SNX29: variants seen among roughly 807,000 people sequenced by gnomAD.
SNX29 encodes the protein sorting nexin-29.
Under a neutral mutation model 102.1 loss-of-function variants are expected in SNX29, and 78 were observed. The ratio of observed to expected loss-of-function variants is 0.76; its 90% confidence interval spans 0.64 to 0.92. The LOEUF (loss-of-function observed/expected upper bound fraction) is 0.92. Ranked by LOEUF, SNX29 falls within the 40% of genes least tolerant of loss-of-function variation. The pLI, the probability that SNX29 is intolerant of heterozygous loss-of-function variation, is 0.00. For synonymous variants in SNX29, 580 were observed against 414.5 expected, an observed-to-expected ratio of 1.40 and a Z score of -4.85; for missense variants, 1,280 against 1,061.7, an observed-to-expected ratio of 1.21 and a Z score of -2.86.
At chr16:12,058,050 C>T (rs2050592141) in intron 8 of SNX29, among the ~76,000 whole-genome samples, 1 of 151,976 alleles carries the variant, frequency 6.6e-6, no homozygotes, top group African/African-American at 2.4e-5. Context: ...AAACTCCTGA[C>T]CTCAGGTGAT....
intron 18 of SNX29, among the ~76,000 whole-genome samples, chr16:12,407,931 G>A (rs989334971): frequency 2.6e-5 from 4 of 152,106 alleles, no homozygotes; most frequent in Admixed American, 1.3e-4. Context: ...AGGGAGCTAC[G>A]ATTGCATCTG....
At chr16:12,380,799 ACCAT>A (rs1786862466) in intron 16 of SNX29, among the ~76,000 whole-genome samples, 1 of 48,630 alleles carries the variant, frequency 2.1e-5, no homozygotes, top group Non-Finnish European at 4.7e-5. Flanking sequence ...CCACCCACAC[ACCAT>A]CCATCCATCC....
intron 14 of SNX29, among the ~76,000 whole-genome samples, chr16:12,245,658 C>T (rs1024157296): frequency 6.6e-6 from 1 of 152,128 alleles, no homozygotes; most frequent in Admixed American, 6.5e-5. Flanking sequence ...CACTCCTCCT[C>T]CTGGTTTATA....
At chr16:12,376,047 A>AAAC (rs1254398451) in intron 16 of SNX29, 1 of 152,766 alleles carries the variant, frequency 6.5e-6, no homozygotes, top group East Asian at 1.9e-4. Flanking sequence ...AAAAAAAAAA[A>AAAC]AAAAAAGTGG....
intron 20 of SNX29, among the ~76,000 whole-genome samples, chr16:12,547,164 C>T (rs1381559222): frequency 2.0e-5 from 3 of 152,282 alleles, no homozygotes; most frequent in East Asian, 3.9e-4. Context: ...TGGGGATGTG[C>T]TGTTTATGGT....
chr16:12,228,944 A>G (rs988217796), intron 14 of SNX29, among the ~76,000 whole-genome samples: 7 of 151,856 alleles, frequency 4.6e-5, no homozygotes, highest in Non-Finnish European at 1.5e-5. Context: ...GAGTCTTCTG[A>G]CTCCTGCTGC....
intron 14 of SNX29, among the ~76,000 whole-genome samples, chr16:12,199,976 A>G (rs2076873513): frequency 6.6e-6 from 1 of 152,146 alleles, no homozygotes; most frequent in Non-Finnish European, 1.5e-5. Context: ...ATGGCAGTGA[A>G]CCTTGTGGTA....
intron 18 of SNX29, among the ~76,000 whole-genome samples, chr16:12,457,299 T>G (rs558018586): frequency 2.0e-5 from 3 of 152,128 alleles, no homozygotes; most frequent in Admixed American, 1.3e-4. Context: ...AAAGGTAAGG[T>G]AGGTTGGCCA....
At chr16:12,201,426 C>T (rs570485149) in intron 14 of SNX29, among the ~76,000 whole-genome samples, 1 of 152,310 alleles carries the variant, frequency 6.6e-6, no homozygotes, top group South Asian at 2.1e-4. Flanking sequence ...TGATTTGACT[C>T]AGTAACCTTG....
chr16:12,050,095 C>A (rs564269551), intron 7 of SNX29, among the ~76,000 whole-genome samples: 22 of 152,314 alleles, frequency 1.4e-4, no homozygotes, highest in African/African-American at 5.3e-4. Flanking sequence ...CCTGCACGAA[C>A]CTTGTAGAAG....
intron 14 of SNX29, among the ~76,000 whole-genome samples, chr16:12,264,510 T>G (rs1266981052): frequency 6.6e-6 from 1 of 152,192 alleles, no homozygotes; most frequent in Non-Finnish European, 1.5e-5. Flanking sequence ...GGCCGGGTGC[T>G]GTGGCTCACG....
chr16:12,143,549 C>T (rs2054941483), intron 13 of SNX29, among the ~76,000 whole-genome samples: 1 of 152,120 alleles, frequency 6.6e-6, no homozygotes, highest in Non-Finnish European at 1.5e-5. Context: ...CTCTCAGGCT[C>T]CCTATCTAGA....
chr16:12,121,045 C>T (rs569688833), intron 11 of SNX29, among the ~76,000 whole-genome samples: 3 of 152,296 alleles, frequency 2.0e-5, no homozygotes, highest in African/African-American at 4.8e-5. Context: ...TAGCAGTGGG[C>T]GACTGTCAGT....
chr16:12,305,408 C>T (rs1317313513), intron 15 of SNX29, among the ~76,000 whole-genome samples: 2 of 152,178 alleles, frequency 1.3e-5, no homozygotes, highest in Non-Finnish European at 2.9e-5. Flanking sequence ...GCGCCGAGGG[C>T]GTCAAGCCCT....
intron 18 of SNX29, among the ~76,000 whole-genome samples, chr16:12,467,884 G>C (rs544219576): frequency 3.9e-5 from 6 of 152,208 alleles, no homozygotes; most frequent in African/African-American, 1.4e-4. Flanking sequence ...CTCACGGAGT[G>C]AGGGGATAGG....
chr16:12,074,808 G>C (rs926310925), intron 10 of SNX29, among the ~76,000 whole-genome samples: 12 of 152,220 alleles, frequency 7.9e-5, no homozygotes, highest in Non-Finnish European at 1.6e-4. Context: ...ACACCAATCA[G>C]ATGCAGATTT....
chr16:12,185,479 C>T (rs1015651087), intron 13 of SNX29, among the ~76,000 whole-genome samples: 3 of 152,182 alleles, frequency 2.0e-5, no homozygotes, highest in Non-Finnish European at 2.9e-5. Flanking sequence ...TCCTCCTACT[C>T]GCCCTGCAAA....
intron 12 of SNX29, among the ~76,000 whole-genome samples, chr16:12,128,990 G>GC (rs1390716918): frequency 6.6e-6 from 1 of 152,184 alleles, no homozygotes; most frequent in Non-Finnish European, 1.5e-5. Flanking sequence ...TGTGCTGGCT[G>GC]CCAGCCCCCT....
intron 18 of SNX29, among the ~76,000 whole-genome samples, chr16:12,411,590 G>T (rs185905936): frequency 6.6e-6 from 1 of 152,028 alleles, no homozygotes; most frequent in South Asian, 2.1e-4. Context: ...GCCTTTATTC[G>T]TCCCAAAGCT....
Sources: gnomAD v4.1 joint callset for allele counts (sites outside exome capture counted in the v4.1 genomes callset) on GRCh38, gnomAD v4.1.1 for gene constraint, MANE v1.5 for transcripts, NCBI Gene and HGNC (gene_info 2026-07-23, HGNC 2026-07-21) for gene names.